CKAP5: variants seen among roughly 807,000 people sequenced by gnomAD.
The protein encoded by CKAP5 is cytoskeleton associated protein 5, also known as cytoskeleton-associated protein 5.
A neutral mutation model predicts 232.8 loss-of-function variants in CKAP5; 27 were observed. The ratio of observed to expected loss-of-function variants is 0.12; its 90% CI spans 0.09 to 0.16. The LOEUF (loss-of-function observed/expected upper bound fraction) is 0.16, where lower values mean the gene tolerates loss of function less well. Ranked by LOEUF, CKAP5 falls within the 10% of genes least tolerant of loss-of-function variation. The pLI, the probability that CKAP5 is intolerant of heterozygous loss-of-function variation, is 1.00. For missense variants in CKAP5, 1,838 were observed against 2,424.7 expected (o/e 0.76, Z 5.08); for synonymous variants, 785 against 841.1 (o/e 0.93, Z 1.16).
At chr11:46,808,941 C>G (rs528180176) in intron 7 of CKAP5, among the ~76,000 whole-genome samples, 1 of 152,252 alleles carries the variant, frequency 6.6e-6, no homozygotes, top group East Asian at 1.9e-4. Flanking sequence ...GGCAATGTTT[C>G]AAGACATTTT....
Position 46,743,950 on chromosome 11 carries a change from A to T in CKAP5, c.*73T>A, listed in dbSNP as rs2065003513. ...CAGTTTGTATACACTAGGCCTGCTG[A>T]GGCCATTTTAAACTATGAGGACTTC... On this transcript the variant is annotated 3_prime_UTR_variant, in exon 44 of 44. Transcript: ENST00000529230. The T allele has an allele frequency of 1.3e-6, 2 of 1,590,212 alleles. No homozygotes were observed. Among genetic ancestry groups the T allele is most frequent in the South Asian group, 2.2e-5 (2 of 89,370 alleles).
intron 38 of CKAP5, among the ~76,000 whole-genome samples, chr11:46,752,175 T>TATATATATATAC (rs2065069759): frequency 2.5e-5 from 1 of 39,556 alleles, no homozygotes; most frequent in East Asian, 8.5e-4. Context: ...TATATATATA[T>TATATATATATAC]ATATATATAT....
chr11:46,795,649 G>A lies in CKAP5; in HGVS notation c.1595C>T (p.Thr532Ile). Residue 532 changes from threonine (T) to isoleucine (I), a missense_variant, in exon 13 of 44, where the codon ACA becomes ATA. By Grantham distance (89) the Thr-to-Ile change is moderately conservative. This residue lies in a region of CKAP5 where 767 missense variants were observed against 954.6 expected (regional missense o/e 0.80). Coordinates refer to ENST00000529230, the MANE Select transcript of CKAP5 (RefSeq NM_001008938.4). ...TGGTTTGGGTGCAGAAATGTCCTTT[G>A]TGTCCTTATCTCCTGCAGCCCCTGA... The part of the protein sequence containing the change: ...AASGAAGDKD[T>I]KDISAPKPGP... The A allele has an allele frequency of 6.2e-7, 1 of 1,614,052 alleles. No individual in the cohort carries two copies. The highest frequency in any genetic ancestry group is 2.2e-5 in the East Asian group (1 of 44,884).
intron 1 of CKAP5, among the ~76,000 whole-genome samples, chr11:46,841,769 G>C (rs914224061): frequency 6.6e-6 from 1 of 152,138 alleles, no homozygotes; most frequent in African/African-American, 2.4e-5. Context: ...GGGAGGCCAA[G>C]GCAGGAGGAT....
chr11:46,783,412 CT>C, intron 17 of CKAP5, 44 bp from the exon 18 acceptor site: 7 of 1,222,600 alleles, frequency 5.7e-6, no homozygotes, highest in Non-Finnish European at 7.2e-6. Flanking sequence ...TCTCGTATTT[CT>C]TATAGAAATA....
intron 1 of CKAP5, among the ~76,000 whole-genome samples, 152 bp from the exon 2 acceptor site, chr11:46,821,420 A>AAT: frequency 1.3e-5 from 1 of 75,990 alleles, no homozygotes; most frequent in African/African-American, 5.0e-5. Flanking sequence ...AATTAACAGG[A>AAT]CTTTTTTTTT....
chr11:46,820,585 C>T (rs186016401), intron 2 of CKAP5: 1 of 152,004 alleles, frequency 6.6e-6, no homozygotes, highest in African/African-American at 2.4e-5. Context: ...TAAAATCTAC[C>T]AGATGGTAGA....
Position 46,795,668 on chromosome 11 carries a change from C to T in CKAP5, c.1576G>A (p.Ala526Thr), listed in dbSNP as rs1261661496. ...TCCTTTGTGTCCTTATCTCCTGCAG[C>T]CCCTGAAGCAGCAGTCCTTCCAGGC... is the stretch of plus-strand genomic sequence containing the variant. ...PLPGRTAASG[A>T]AGDKDTKDIS... Residue 526 changes from alanine to threonine, a missense_variant, in exon 13 of 44, where the codon GCT becomes ACT. This residue lies in a region of CKAP5 where 767 missense variants were observed against 954.6 expected (regional missense o/e 0.80). Coordinates refer to ENST00000529230, the MANE Select transcript of CKAP5 (RefSeq NM_001008938.4). The T allele has an allele frequency of 6.2e-7, 1 of 1,614,126 alleles. No homozygotes were observed. Among genetic ancestry groups the T allele is most frequent in the Non-Finnish European group, 8.5e-7 (1 of 1,180,006 alleles).
At chr11:46,760,418 G>A (rs763229299) in intron 33 of CKAP5, 194 bp downstream of exon 33, 11 of 691,218 alleles carry the variant, frequency 1.6e-5, no homozygotes, top group Non-Finnish European at 2.1e-5. Context: ...AGACCATTTA[G>A]AAGTGGTTTT....
rs755389419 is a variant in CKAP5, at chr11:46,776,272, G to C, written c.2974C>G (p.Pro992Ala). 6.2e-7 allele frequency: 1 copy of C among 1,613,642 alleles called. No individual in the cohort carries two copies. The change falls in exon 24 of 44, where the codon CCT becomes GCT. Residue 992 changes from proline to alanine, a missense_variant. Transcript: ENST00000529230. ...ATACTAACCTCTTGCCTCAAGAAAGGATTTTCCTTTTTGAGCTCTTCAGAA... is the reference window on the plus strand; with the variant it reads ...ATACTAACCTCTTGCCTCAAGAAAGCATTTTCCTTTTTGAGCTCTTCAGAA... ...DLSEELKKEN[P>A]FLRQELLGWL...
intron 26 of CKAP5, among the ~76,000 whole-genome samples, chr11:46,768,745 CTAATTTTTG>C (rs1478396269): frequency 2.0e-5 from 3 of 151,978 alleles, no homozygotes; most frequent in Admixed American, 2.0e-4. Flanking sequence ...CCAAGACTAG[CTAATTTTTG>C]TAATTTTTGT....
In CKAP5 at chr11:46,797,781, C is replaced by T. The variant is rs748188356; in HGVS notation, c.1338+24G>A. ...ATCTTGCCTAGGTATAAAATATTCC[C>T]CCAACTTCAAAGAGAGTCTGTACCT... is the stretch of plus-strand genomic sequence containing the variant. On this transcript the variant is annotated intron_variant, in intron 11 of 43. Coordinates refer to ENST00000529230, the MANE Select transcript of CKAP5 (RefSeq NM_001008938.4). The T allele has an allele frequency of 3.8e-6, 6 of 1,581,216 alleles. No individual in the cohort carries two copies. In the Admixed American group the frequency reaches 1.2e-4, roughly 31 times the overall value.
At position 46,759,436 on chromosome 11, in the gene CKAP5, G is replaced by A; in HGVS notation, c.4401C>T (p.Ala1467=). The change falls in exon 34 of 44, where the codon GCC becomes GCT. Residue 1467 remains alanine, a synonymous_variant. Coordinates refer to ENST00000529230, the MANE Select transcript of CKAP5 (RefSeq NM_001008938.4). ...AEDMSSKLNQ[A]RSMSGHPEAA... ...CCTCAGGATGCCCACTCATGCTTCG[G>A]GCTTGGCTAAGGGAAGCAAAAGGAG... 6.2e-7 allele frequency: 1 copy of A among 1,612,666 alleles called. No homozygotes were observed. Among genetic ancestry groups the A allele is most frequent in the Non-Finnish European group, 8.5e-7 (1 of 1,179,574 alleles).
At chr11:46,819,110 A>G (rs568325731) in intron 2 of CKAP5, among the ~76,000 whole-genome samples, 182 of 152,336 alleles carry the variant, frequency 1.2e-3, no homozygotes, top group African/African-American at 4.3e-3. Flanking sequence ...ATTAAGTACT[A>G]CAAAGGAGAA....
chr11:46,823,014 G>A (rs1347549953), intron 1 of CKAP5, among the ~76,000 whole-genome samples: 1 of 151,886 alleles, frequency 6.6e-6, no homozygotes, highest in African/African-American at 2.4e-5. Context: ...GGCTGGAGTG[G>A]AATGAACACG....
At chr11:46,753,068 A>G (rs1306977501) in intron 37 of CKAP5, 6 of 450,494 alleles carry the variant, frequency 1.3e-5, no homozygotes, top group Non-Finnish European at 2.3e-5. Flanking sequence ...AGTTTTAGCT[A>G]TGGTCTCAGG....
intron 12 of CKAP5, among the ~76,000 whole-genome samples, 163 bp downstream of exon 12, chr11:46,796,649 T>TC (rs1196328282): frequency 4.1e-4 from 63 of 152,298 alleles, no homozygotes; most frequent in African/African-American, 1.4e-3. Context: ...CCTCCAAAAC[T>TC]TGTTTCAATT....
At chr11:46,782,422 A>C (rs931664871) in intron 18 of CKAP5, among the ~76,000 whole-genome samples, 1 of 152,226 alleles carries the variant, frequency 6.6e-6, no homozygotes, top group Non-Finnish European at 1.5e-5. Context: ...AATTATAACA[A>C]TACCCTCAAC....
chr11:46,827,152 T>C (rs1939677390), intron 1 of CKAP5, among the ~76,000 whole-genome samples: 1 of 152,144 alleles, frequency 6.6e-6, no homozygotes, highest in Admixed American at 6.5e-5. Flanking sequence ...GTTCCCACTA[T>C]CACAATCCTA....
Sources: gnomAD v4.1 joint callset for allele counts (sites outside exome capture counted in the v4.1 genomes callset) on GRCh38, gnomAD v4.1.1 for gene constraint, gnomAD v4.1.1 regional missense constraint, MANE v1.5 for transcripts, NCBI Gene and HGNC (gene_info 2026-07-23, HGNC 2026-07-21) for gene names.